Variants in TEP1 observed in about 807,000 individuals in gnomAD.
TEP1 encodes the protein telomerase associated protein 1.
Under a neutral mutation model 306.3 loss-of-function variants are expected in TEP1, and 241 were observed. That is an observed-to-expected ratio of 0.79 (90% CI 0.71 to 0.88). The LOEUF (loss-of-function observed/expected upper bound fraction) is 0.88, where lower values mean the gene tolerates loss of function less well. TEP1 is among the 40% of genes least tolerant of loss of function. The probability of loss-of-function intolerance (pLI) is 0.00; values close to 1 mark genes in which losing one functional copy is unlikely to be tolerated. For synonymous variants in TEP1, 1,289 were observed against 1,305.5 expected, an observed-to-expected ratio of 0.99 and a Z score of 0.27; for missense variants, 3,051 against 3,276.1, an observed-to-expected ratio of 0.93 and a Z score of 1.68.
chr14:20,404,572 T>G (rs1204150830), intron 5 of TEP1, 39 bp downstream of exon 5: 1 of 1,586,956 alleles, frequency 6.3e-7, no homozygotes, highest in Admixed American at 1.8e-5. Context: ...AGAGAAGGAA[T>G]GAAGTGAAGG....
intron 1 of TEP1, among the ~76,000 whole-genome samples, chr14:20,410,038 A>C (rs1190735653): frequency 9.3e-6 from 1 of 107,872 alleles, no homozygotes. Flanking sequence ...AAAAAAAAAA[A>C]AAAAAAAAAA....
rs200349682 is a variant in TEP1, at chr14:20,382,672, T to C, written c.4091A>G (p.Tyr1364Cys). The change falls in exon 28 of 55, where the codon TAC (tyrosine) becomes TGC (cysteine). Residue 1364 changes from tyrosine to cysteine, a missense_variant. Physicochemically the swap from Tyr to Cys is radical, Grantham distance 194 (BLOSUM62 -2). This residue lies in a region of TEP1 where 1,540 missense variants were observed against 1,705.9 expected (regional missense o/e 0.90). Coordinates refer to ENST00000262715, the MANE Select transcript of TEP1 (RefSeq NM_007110.5). ...LVKRESGRPL[Y>C]LRLVTDHLRL... ...CAGGTGATCGGTGACCAAGCGCAGG[T>C]AGAGCGGCCGGCCTGATTCCCGCTT... is the stretch of plus-strand genomic sequence containing the variant. 4 of 1,614,032 alleles carry C rather than the reference T, an allele frequency of 2.5e-6. No individual in the cohort carries two copies. The highest frequency in any genetic ancestry group is 3.4e-6 in the Non-Finnish European group (4 of 1,179,982).
At chr14:20,370,241 G>C (rs1884755609) in intron 51 of TEP1, among the ~76,000 whole-genome samples, 1 of 110,156 alleles carries the variant, frequency 9.1e-6, no homozygotes, top group Non-Finnish European at 2.1e-5. Context: ...ATGTACATCG[G>C]CGATGTATTT....
At position 20,368,200 on chromosome 14, in the gene TEP1, G is replaced by C. The variant is rs1884587625; in HGVS notation, c.*237C>G. 1 of 356,760 alleles carries C rather than the reference G, an allele frequency of 2.8e-6. No individual in the cohort carries two copies. Among genetic ancestry groups the C allele is most frequent in the Non-Finnish European group, 5.0e-6 (1 of 200,180 alleles). 22.1% of individuals were successfully genotyped at this position (356,760 alleles called of 1,614,324 possible). On this transcript the variant is annotated 3_prime_UTR_variant, in exon 55 of 55. Coordinates refer to ENST00000262715, the MANE Select transcript of TEP1 (RefSeq NM_007110.5). The stretch of plus-strand genomic sequence containing the variant: ...ATTCACTTTCTTGTGGTTCTAGTAA[G>C]GATTAATGTTGAATAAGAAGAGACA...
intron 49 of TEP1, among the ~76,000 whole-genome samples, 178 bp from the exon 50 acceptor site, chr14:20,371,810 A>T (rs1383744702): frequency 6.6e-6 from 1 of 152,150 alleles, no homozygotes; most frequent in East Asian, 1.9e-4. Context: ...CATCGGTGCC[A>T]TCCCATTACT....
At position 20,369,046 on chromosome 14, in the gene TEP1, C is replaced by T. The variant is rs141032284; in HGVS notation, c.7657-144G>A. On this transcript the variant is annotated intron_variant, in intron 53 of 54. Transcript: ENST00000262715. Reference sequence around the variant, plus strand: ...TTTTGAGACAAGAGTCTCGCTCTGTCGCCCAGGCTGGAGTGCAGTGGCGCA... The same window carrying T: ...TTTTGAGACAAGAGTCTCGCTCTGTTGCCCAGGCTGGAGTGCAGTGGCGCA... 237 of 684,402 alleles carry T rather than the reference C, an allele frequency of 3.5e-4. No individual in the cohort carries two copies. In the African/African-American group the frequency reaches 3.7e-3, roughly 11 times the overall value. The allele number at this position is 684,402 out of a possible 1,614,324, so 42.4% of individuals were successfully genotyped here.
In TEP1 at chr14:20,378,044, T is replaced by C. The variant is rs2139033030; in HGVS notation, c.5701A>G (p.Thr1901Ala). Residue 1901 changes from threonine (T) to alanine (A), a missense_variant, in exon 39 of 55, where the codon ACG (threonine) becomes GCG (alanine). Coordinates refer to ENST00000262715, the MANE Select transcript of TEP1 (RefSeq NM_007110.5). The stretch of plus-strand genomic sequence containing the variant: ...CTGACCTTGCCATCCTCTCCAGCCG[T>C]CAGTAACTGGCAACCCGCATGCAGG... Reference protein sequence around the residue: ...LFLHAGCQLLTAGEDGKVQVW... With the variant: ...LFLHAGCQLLAAGEDGKVQVW... 6.2e-7 allele frequency: 1 copy of C among 1,613,104 alleles called. No individual in the cohort carries two copies. Among genetic ancestry groups the C allele is most frequent in the East Asian group, 2.2e-5 (1 of 44,822 alleles).
intron 12 of TEP1, among the ~76,000 whole-genome samples, chr14:20,392,409 GTATA>G (rs34734346): frequency 0.17 from 25,303 of 152,048 alleles, 2,238 homozygotes; most frequent in African/African-American, 0.19. Flanking sequence ...CACTTAAATA[GTATA>G]TATATAGGAT....
At position 20,373,078 on chromosome 14, in the gene TEP1, G is replaced by A; in HGVS notation, c.6884C>T (p.Ala2295Val). 1 of 1,614,186 alleles carries A rather than the reference G, an allele frequency of 6.2e-7. No individual in the cohort carries two copies. Among genetic ancestry groups the A allele is most frequent in the Non-Finnish European group, 8.5e-7 (1 of 1,180,036 alleles). Reference sequence around the variant, plus strand: ...TTCCCCAGCTTGATTTCCAGATACTGCCATGGAACCATCTGGTGCCCAAGC... The same window carrying A: ...TTCCCCAGCTTGATTTCCAGATACTACCATGGAACCATCTGGTGCCCAAGC... The part of the protein sequence containing the change: ...AVAWAPDGSM[A>V]VSGNQAGELI... The change falls in exon 48 of 55, where the codon GCA (alanine) becomes GTA (valine). Residue 2295 changes from alanine to valine, a missense_variant. By Grantham distance (64) the Ala-to-Val change is moderately conservative. Around this residue, in one of 3 missense-constraint regions of TEP1, gnomAD observed 1,540 missense variants for 1,705.9 expected, o/e 0.90. Coordinates refer to ENST00000262715, the MANE Select transcript of TEP1 (RefSeq NM_007110.5).
chr14:20,373,224 T>C (rs1202486805), intron 47 of TEP1, 46 bp downstream of exon 47: 1 of 1,612,424 alleles, frequency 6.2e-7, no homozygotes, highest in Non-Finnish European at 8.5e-7. Flanking sequence ...CCTTGACCTT[T>C]TTTTGTGCCA....
rs765499232 is a variant in TEP1 at position 20,379,923 on chromosome 14, G to T, written c.5127+7C>A. 6.2e-6 allele frequency: 10 copies of T among 1,608,430 alleles called. No individual in the cohort carries two copies. The highest frequency in any genetic ancestry group is 1.7e-4 in the Middle Eastern group (1 of 6,040). ...GGGTAAATTCTGCCCCTCCTTGATT[G>T]TCATACCTGCCAAGTTCTCAGGTCC... On this transcript the variant is annotated splice_region_variant and intron_variant, in intron 35 of 54. Coordinates refer to ENST00000262715, the MANE Select transcript of TEP1 (RefSeq NM_007110.5).
In TEP1 at chr14:20,366,627, T is replaced by C. The variant is rs1265512450; in HGVS notation, c.*1810A>G. On this transcript the variant is annotated 3_prime_UTR_variant, in exon 55 of 55. Transcript: ENST00000262715. Reference sequence around the variant, plus strand: ...TAAAGTCCCTCAGGTTATTTCTCCATGTAAAACCTGGAATCAGGGTACAGT... The same window carrying C: ...TAAAGTCCCTCAGGTTATTTCTCCACGTAAAACCTGGAATCAGGGTACAGT... 1 of 152,184 alleles carries C rather than the reference T, an allele frequency of 6.6e-6. No individual in the cohort carries two copies. Among genetic ancestry groups the C allele is most frequent in the Non-Finnish European group, 1.5e-5 (1 of 68,032 alleles). 9.4% of individuals were successfully genotyped at this position (152,184 alleles called of 1,614,324 possible).
intron 18 of TEP1, among the ~76,000 whole-genome samples, chr14:20,386,878 T>G (rs1389608509): frequency 6.6e-6 from 1 of 152,204 alleles, no homozygotes; most frequent in Non-Finnish European, 1.5e-5. Context: ...TGCTTGTTCA[T>G]GACAGCACTG....
Position 20,407,990 on chromosome 14 carries a change from C to T in TEP1, c.450G>A (p.Leu150=). 6.2e-7 allele frequency: 1 copy of T among 1,614,188 alleles called. No homozygotes were observed. Among genetic ancestry groups the T allele is most frequent in the Middle Eastern group, 1.6e-4 (1 of 6,062 alleles). Residue 150 remains leucine (L), a synonymous_variant, in exon 2 of 55, where the codon CTG becomes CTA. Coordinates refer to ENST00000262715, the MANE Select transcript of TEP1 (RefSeq NM_007110.5). ...DLYRVNNSNC[L]LSEPPSWRAQ... ...CCCTCCAACTTGGAGGCTCAGAGAGCAGGCAATTGCTGTTGTTCACACGGT... is the reference window on the plus strand; with the variant it reads ...CCCTCCAACTTGGAGGCTCAGAGAGTAGGCAATTGCTGTTGTTCACACGGT...
At position 20,384,662 on chromosome 14, in the gene TEP1, G is replaced by A. The variant is rs141340526; in HGVS notation, c.3159C>T (p.Ala1053=). 24 of 1,613,320 alleles carry A rather than the reference G, an allele frequency of 1.5e-5. No individual in the cohort carries two copies. The highest frequency in any genetic ancestry group is 6.7e-5 in the African/African-American group (5 of 74,856). The change falls in exon 22 of 55, where the codon GCC becomes GCT. Residue 1053 remains alanine, a synonymous_variant. Coordinates refer to ENST00000262715, the MANE Select transcript of TEP1 (RefSeq NM_007110.5). ...KSDFVSESEE[A]ARRISELKSY... ...TCTTCAGTTCTGAGATCCGACGTGC[G>A]GCCTCTTCAGACTCAGAAACAAAGT...
Position 20,382,030 on chromosome 14 carries a change from C to T in TEP1, c.4307G>A (p.Ser1436Asn), listed in dbSNP as rs140348892. Reference sequence around the variant, plus strand: ...CCCCTTCGGTAGTGTCCGCCACACACTCAGCACTCCGTGCAGCTGGTCCAC... The same window carrying T: ...CCCCTTCGGTAGTGTCCGCCACACATTCAGCACTCCGTGCAGCTGGTCCAC... ...LTVDQLHGVL[S>N]VWRTLPKGTK... The change falls in exon 30 of 55, where the codon AGT becomes AAT. Residue 1436 changes from serine (S) to asparagine (N), a missense_variant. Transcript: ENST00000262715. 392 of 1,614,178 alleles carry T rather than the reference C, an allele frequency of 2.4e-4. 1 individual carries two copies. In the African/African-American group the frequency reaches 4.5e-3, roughly 19 times the overall value.
Position 20,372,715 on chromosome 14 carries a change from C to T in TEP1, c.7076+18G>A, listed in dbSNP as rs1182696786. On this transcript the variant is annotated intron_variant, in intron 49 of 54. Coordinates refer to ENST00000262715, the MANE Select transcript of TEP1 (RefSeq NM_007110.5). ...GAGACTGCTGTTTCTATCCCATTAA[C>T]CCATCAGCCTGTTTCACCTCAAATT... is the stretch of plus-strand genomic sequence containing the variant. 1 of 1,613,954 alleles carries T rather than the reference C, an allele frequency of 6.2e-7. No homozygotes were observed. The highest frequency in any genetic ancestry group is 1.3e-5 in the African/African-American group (1 of 74,912).
chr14:20,379,468 T>C (rs1345530072), intron 35 of TEP1, among the ~76,000 whole-genome samples: 1 of 152,250 alleles, frequency 6.6e-6, no homozygotes, highest in Non-Finnish European at 1.5e-5. Flanking sequence ...CACGCTGTGC[T>C]GCCATAATTC....
At chr14:20,395,746 C>A (rs548828788) in intron 11 of TEP1, 113 bp downstream of exon 11, 38 of 1,483,906 alleles carry the variant, frequency 2.6e-5, no homozygotes, top group Middle Eastern at 1.8e-4. Context: ...CTCTGCCCCC[C>A]ACCCCGATAC....
Sources: gnomAD v4.1 joint callset for allele counts (sites outside exome capture counted in the v4.1 genomes callset) on GRCh38, gnomAD v4.1.1 for gene constraint, gnomAD v4.1.1 regional missense constraint, MANE v1.5 for transcripts, NCBI Gene and HGNC (gene_info 2026-07-23, HGNC 2026-07-21) for gene names.